Variants in GEN1 observed in about 807,000 individuals in gnomAD.
The protein encoded by GEN1 is flap endonuclease GEN homolog 1.
GEN1 carries 64 observed loss-of-function variants against 67.6 expected under a neutral mutation model. That is an observed-to-expected ratio of 0.95 (90% CI 0.77 to 1.17). The LOEUF (loss-of-function observed/expected upper bound fraction) is 1.17. GEN1 is among the 50% of genes most tolerant of loss of function. The pLI, the probability that GEN1 is intolerant of heterozygous loss-of-function variation, is 0.00. For missense variants in GEN1, 1,058 were observed against 1,048.3 expected (o/e 1.01, Z -0.13); for synonymous variants, 371 against 359.4 (o/e 1.03, Z -0.37).
chr2:17,781,259 T>C lies in GEN1; in HGVS notation c.2047T>C (p.Ser683Pro). 3.1e-6 allele frequency: 5 copies of C among 1,613,544 alleles called. No homozygotes were observed. The highest frequency in any genetic ancestry group is 4.2e-6 in the Non-Finnish European group (5 of 1,179,554). ...PLKERIFTKL[S>P]YPQDNLQPDV... Reference sequence around the variant, plus strand: ...AAAGGAACGAATATTTACAAAATTATCATATCCTCAGGATAATCTACAACC... The same window carrying C: ...AAAGGAACGAATATTTACAAAATTACCATATCCTCAGGATAATCTACAACC... Residue 683 changes from serine to proline, a missense_variant, in exon 14 of 14, where the codon TCA becomes CCA. Physicochemically the swap from Ser to Pro is moderately conservative, Grantham distance 74. Transcript: ENST00000381254.
chr2:17,780,273 C>T, intron 13 of GEN1, 152 bp downstream of exon 13: 2 of 676,742 alleles, frequency 3.0e-6, no homozygotes, highest in Admixed American at 6.0e-5. Context: ...TCTTCACATA[C>T]TTTCTTTTAA....
intron 5 of GEN1, 52 bp from the exon 6 acceptor site, chr2:17,768,686 A>G (rs1672043011): frequency 7.8e-7 from 1 of 1,289,580 alleles, no homozygotes; most frequent in Non-Finnish European, 1.1e-6. Flanking sequence ...TATACTTTTA[A>G]CCATTCCTAG....
At chr2:17,756,617 G>C (rs1226950863) in intron 1 of GEN1, among the ~76,000 whole-genome samples, 2 of 151,792 alleles carry the variant, frequency 1.3e-5, no homozygotes, top group African/African-American at 4.8e-5. Flanking sequence ...TATAGAAATG[G>C]GGTCTCACCA....
chr2:17,778,077 T>G lies in GEN1; in HGVS notation c.1264+14T>G, dbSNP rs2125163166. 1 of 1,462,820 alleles carries G rather than the reference T, an allele frequency of 6.8e-7. No individual in the cohort carries two copies. The highest frequency in any genetic ancestry group is 9.6e-7 in the Non-Finnish European group (1 of 1,045,878). 90.6% of individuals were successfully genotyped at this position (1,462,820 alleles called of 1,614,324 possible). On this transcript the variant is annotated intron_variant, in intron 12 of 13. Transcript: ENST00000381254. ...GGGAAAAGCCTGGTATGTATTCACTTTAAGCAAAATATTCCATTTATAATA... is the reference window on the plus strand; with the variant it reads ...GGGAAAAGCCTGGTATGTATTCACTGTAAGCAAAATATTCCATTTATAATA...
At chr2:17,758,577 T>C (rs1671530865) in intron 1 of GEN1, among the ~76,000 whole-genome samples, 1 of 152,240 alleles carries the variant, frequency 6.6e-6, no homozygotes. Context: ...ATAGACAATA[T>C]TCTGGGCCAC....
chr2:17,774,480 G>A lies in GEN1; in HGVS notation c.1202+79G>A, dbSNP rs555961858. ...ATTAAAATATTCCTAATATCTTTAA[G>A]CTCGTTTTTGTAAAGGTGGAGGAAA... On this transcript the variant is annotated intron_variant, in intron 11 of 13. Coordinates refer to ENST00000381254, the MANE Select transcript of GEN1 (RefSeq NM_001130009.3). 278 of 1,231,658 alleles carry A rather than the reference G, an allele frequency of 2.3e-4. No homozygotes were observed. In the African/African-American group the frequency reaches 4.1e-3, roughly 18 times the overall value. The allele number at this position is 1,231,658 out of a possible 1,614,324, so 76.3% of individuals were successfully genotyped here. A position where few individuals can be genotyped will look rare whatever the true frequency, so the allele number is the denominator to read the frequency against.
chr2:17,761,774 GAC>G (rs1025665862), intron 3 of GEN1, among the ~76,000 whole-genome samples, 192 bp downstream of exon 3: 93 of 152,314 alleles, frequency 6.1e-4, no homozygotes, highest in African/African-American at 1.6e-3. Context: ...GAAACTCTGA[GAC>G]ACTGAGCAAA....
chr2:17,778,100 A>G (rs1672528130), intron 12 of GEN1, 37 bp downstream of exon 12: 16 of 1,126,312 alleles, frequency 1.4e-5, no homozygotes, highest in Non-Finnish European at 2.2e-5. Flanking sequence ...TCCATTTATA[A>G]TATTTGACCA....
At position 17,779,978 on chromosome 2, in the gene GEN1, A is replaced by C; in HGVS notation, c.1265A>C (p.Glu422Ala). ...CTTTGCTGTATTTTTAATCTTTTAG[A>C]ACATTATGCTATGGAAGATAAACAA... ...HCFEIEWEKPEHYAMEDKQHG... is the reference protein window; with the variant it reads ...HCFEIEWEKPAHYAMEDKQHG... The change falls in exon 13 of 14, where the codon GAA becomes GCA. Residue 422 changes from glutamate (E) to alanine (A), a missense_variant and splice_region_variant. Physicochemically the swap from Glu to Ala is moderately radical, Grantham distance 107. Coordinates refer to ENST00000381254, the MANE Select transcript of GEN1 (RefSeq NM_001130009.3). 1.3e-6 allele frequency: 2 copies of C among 1,597,352 alleles called. No individual in the cohort carries two copies. Among genetic ancestry groups the C allele is most frequent in the Non-Finnish European group, 1.7e-6 (2 of 1,168,498 alleles).
Position 17,782,163 on chromosome 2 carries a change from C to T in GEN1, c.*224C>T. The T allele has an allele frequency of 2.7e-6, 1 of 371,648 alleles. No homozygotes were observed. Among genetic ancestry groups the T allele is most frequent in the South Asian group, 6.8e-5 (1 of 14,684 alleles). The allele number at this position is 371,648 out of a possible 1,614,324, so 23.0% of individuals were successfully genotyped here. A position where few individuals can be genotyped will look rare whatever the true frequency, so the allele number is the denominator to read the frequency against. ...TTCTGATAATGTATGTCATTATGTC[C>T]TTACTATTCCTTAATTGTAGTTTTA... On this transcript the variant is annotated 3_prime_UTR_variant, in exon 14 of 14. Transcript: ENST00000381254.
At chr2:17,777,639 C>T (rs1672499114) in intron 11 of GEN1, among the ~76,000 whole-genome samples, 1 of 152,020 alleles carries the variant, frequency 6.6e-6, no homozygotes, top group African/African-American at 2.4e-5. Flanking sequence ...ATTCAGCTTA[C>T]AAGGTACATG....
At chr2:17,756,309 G>C (rs1395320191) in intron 1 of GEN1, among the ~76,000 whole-genome samples, 3 of 152,194 alleles carry the variant, frequency 2.0e-5, no homozygotes, top group South Asian at 4.2e-4. Flanking sequence ...CCATTAATAG[G>C]TTTATAAAGT....
In GEN1 at chr2:17,782,046, G is replaced by A; in HGVS notation, c.*107G>A. 1.6e-6 allele frequency: 1 copy of A among 624,916 alleles called. No individual in the cohort carries two copies. The highest frequency in any genetic ancestry group is 2.8e-5 in the South Asian group (1 of 35,530). 38.7% of individuals were successfully genotyped at this position (624,916 alleles called of 1,614,324 possible). A position where few individuals can be genotyped will look rare whatever the true frequency, so the allele number is the denominator to read the frequency against. On this transcript the variant is annotated 3_prime_UTR_variant, in exon 14 of 14. Coordinates refer to ENST00000381254, the MANE Select transcript of GEN1 (RefSeq NM_001130009.3). Reference sequence around the variant, plus strand: ...TGTGGTAAAAATTTTAATGTTCTCTGTGTCATGAAACACTTGCCATTTTAA... The same window carrying A: ...TGTGGTAAAAATTTTAATGTTCTCTATGTCATGAAACACTTGCCATTTTAA...
chr2:17,763,149 TTTTAA>T (rs1337223153), intron 3 of GEN1, among the ~76,000 whole-genome samples: 1 of 152,220 alleles, frequency 6.6e-6, no homozygotes, highest in Non-Finnish European at 1.5e-5. Flanking sequence ...TTGTTTTTCT[TTTTAA>T]TTTTAGTTAA....
At position 17,781,338 on chromosome 2, in the gene GEN1, C is replaced by G. The variant is rs201307842; in HGVS notation, c.2126C>G (p.Ala709Gly). 1 of 1,613,672 alleles carries G rather than the reference C, an allele frequency of 6.2e-7. No individual in the cohort carries two copies. The highest frequency in any genetic ancestry group is 8.5e-7 in the Non-Finnish European group (1 of 1,179,650). The stretch of plus-strand genomic sequence containing the variant: ...CTTAGTGTAAAAGAATCTTGTATTG[C>G]TAACAGTGGTTCTGATTGTACATCA... The part of the protein sequence containing the change: ...SILSVKESCI[A>G]NSGSDCTSHL... The change falls in exon 14 of 14, where the codon GCT becomes GGT. Residue 709 changes from alanine to glycine, a missense_variant. Ala to Gly is a moderately conservative substitution (Grantham distance 60). Coordinates refer to ENST00000381254, the MANE Select transcript of GEN1 (RefSeq NM_001130009.3).
chr2:17,777,022 A>G (rs144834815), intron 11 of GEN1, among the ~76,000 whole-genome samples: 9 of 152,308 alleles, frequency 5.9e-5, no homozygotes, highest in African/African-American at 1.9e-4. Context: ...TTTACTTGGG[A>G]TGCTGAGGCA....
At chr2:17,761,664 C>G (rs1671686090) in intron 3 of GEN1, 82 bp downstream of exon 3, 6 of 927,614 alleles carry the variant, frequency 6.5e-6, no homozygotes, top group African/African-American at 1.7e-5. Context: ...ATCTTTAATA[C>G]TTATTAATTT....
chr2:17,760,246 T>C (rs959183024), intron 2 of GEN1, 142 bp downstream of exon 2: 7 of 757,426 alleles, frequency 9.2e-6, no homozygotes, highest in Non-Finnish European at 1.4e-5. Flanking sequence ...ATGTCTAGAT[T>C]CACCATCTTT....
intron 1 of GEN1, among the ~76,000 whole-genome samples, chr2:17,758,744 T>C (rs563040520): frequency 6.6e-6 from 1 of 152,148 alleles, no homozygotes; most frequent in Admixed American, 6.5e-5. Context: ...ATCCCAGCAC[T>C]TTGGGAGGCT....
Sources: allele counts gnomAD v4.1 joint callset (sites outside exome capture counted in the v4.1 genomes callset), GRCh38; gene constraint gnomAD v4.1.1; transcripts MANE v1.5; gene names NCBI Gene and HGNC (gene_info 2026-07-23, HGNC 2026-07-21).